The following MED12L variants were observed in gnomAD, a reference collection of about 807,000 sequenced individuals.
The protein encoded by MED12L is mediator of RNA polymerase II transcription subunit 12-like protein.
A neutral mutation model predicts 281.3 loss-of-function variants in MED12L; 60 were observed. The observed-to-expected ratio is 0.21, with a 90% CI of 0.17 to 0.26. MED12L has a LOEUF of 0.26. MED12L is among the 10% of genes least tolerant of loss of function. The pLI, the probability that MED12L is intolerant of heterozygous loss-of-function variation, is 1.00. For missense variants in MED12L, 2,146 were observed against 2,680.9 expected (o/e 0.80, Z 4.41); for synonymous variants, 974 against 987.2 (o/e 0.99, Z 0.25).
intron 16 of MED12L, among the ~76,000 whole-genome samples, chr3:151,287,791 C>T (rs545494993): frequency 6.6e-6 from 1 of 152,268 alleles, no homozygotes; most frequent in Admixed American, 6.5e-5. Context: ...TAACTTGCCT[C>T]TTTAGGGATT....
chr3:151,266,844 T>G (rs575781724), intron 16 of MED12L, among the ~76,000 whole-genome samples: 85 of 152,324 alleles, frequency 5.6e-4, no homozygotes, highest in South Asian at 3.5e-3. Flanking sequence ...TTCCTTCTCC[T>G]GGGAAGGAAT....
rs922327693 is a variant in MED12L at position 151,432,956 on chromosome 3, G to T, written c.*152G>T. 4 of 581,342 alleles carry T rather than the reference G, an allele frequency of 6.9e-6. No individual in the cohort carries two copies. In the African/African-American group the frequency reaches 7.7e-5, roughly 11 times the overall value. The allele number at this position is 581,342 out of a possible 1,614,324, so 36.0% of individuals were successfully genotyped here. A position where few individuals can be genotyped will look rare whatever the true frequency, so the allele number is the denominator to read the frequency against. The stretch of plus-strand genomic sequence containing the variant: ...CTACATCTCACAAAAAAAAAAAAAG[G>T]TGTTTAAACAAAAAGCCAAGGAGAA... On this transcript the variant is annotated 3_prime_UTR_variant, in exon 45 of 45. Coordinates refer to ENST00000687756, the MANE Select transcript of MED12L (RefSeq NM_001393769.1).
chr3:151,178,157 CAAAAAAAAAAAAAA>C lies in MED12L; in HGVS notation c.1495-7159_1495-7146del, dbSNP rs10572929. Among the ~76,000 whole-genome samples, 217 of 49,172 alleles carry C rather than the reference CAAAAAAAAAAAAAA, an allele frequency of 4.4e-3. 3 individuals carry two copies. In the Middle Eastern group the frequency reaches 0.12, roughly 28 times the overall value. 32.3% of individuals were successfully genotyped at this position (49,172 alleles called of 152,430 possible). On this transcript the variant is annotated intron_variant, in intron 11 of 44. Coordinates refer to ENST00000687756, the MANE Select transcript of MED12L (RefSeq NM_001393769.1). ...TGGGCAACAGAATGAGACTTGGTCT[CAAAAAAAAAAAAAA>C]AAAAAAAAAAAAAGAAAGTGCCAAT...
chr3:151,151,981 C>CTAG (rs1407946809), intron 5 of MED12L, among the ~76,000 whole-genome samples: 1 of 150,844 alleles, frequency 6.6e-6, no homozygotes, highest in East Asian at 2.0e-4. Context: ...GCAACTGGAG[C>CTAG]TAGCATGGTG....
chr3:151,290,147 A>C (rs1053280534), intron 16 of MED12L, among the ~76,000 whole-genome samples: 5 of 152,078 alleles, frequency 3.3e-5, no homozygotes, highest in Non-Finnish European at 7.4e-5. Flanking sequence ...TGGCCTCCCA[A>C]AGTGCTAGGA....
chr3:151,436,548 A>G lies in MED12L; in HGVS notation c.*3744A>G, dbSNP rs1448089442. 2 of 608,474 alleles carry G rather than the reference A, an allele frequency of 3.3e-6. No homozygotes were observed. Among genetic ancestry groups the G allele is most frequent in the Admixed American group, 6.7e-5 (2 of 29,860 alleles). The allele number at this position is 608,474 out of a possible 1,614,324, so 37.7% of individuals were successfully genotyped here. A position where few individuals can be genotyped will look rare whatever the true frequency, so the allele number is the denominator to read the frequency against. On this transcript the variant is annotated 3_prime_UTR_variant, in exon 45 of 45. Coordinates refer to ENST00000687756, the MANE Select transcript of MED12L (RefSeq NM_001393769.1). ...TCAGTTCATAATGCATTTATTTACA[A>G]GTCCTTTTATTTTGCATGTTCATTG...
chr3:151,304,496 C>A (rs1429621115), intron 16 of MED12L, among the ~76,000 whole-genome samples: 1 of 152,074 alleles, frequency 6.6e-6, no homozygotes, highest in Non-Finnish European at 1.5e-5. Flanking sequence ...ATCGCTTGAA[C>A]CCGGGAGACC....
intron 16 of MED12L, among the ~76,000 whole-genome samples, chr3:151,285,259 C>A (rs530648607): frequency 1.3e-5 from 2 of 151,878 alleles, no homozygotes; most frequent in East Asian, 2.0e-4. Flanking sequence ...CTGAGGTGGG[C>A]AGATCACAAG....
intron 2 of MED12L, among the ~76,000 whole-genome samples, chr3:151,111,137 A>C (rs1711815748): frequency 5.3e-5 from 8 of 152,262 alleles, no homozygotes; most frequent in Admixed American, 5.2e-4. Flanking sequence ...TTAGAGAGCC[A>C]CTGCTTTAAG....
chr3:151,098,320 G>C (rs1720982066), intron 2 of MED12L, among the ~76,000 whole-genome samples: 1 of 152,202 alleles, frequency 6.6e-6, no homozygotes, highest in South Asian at 2.1e-4. Context: ...CTGACATTCA[G>C]AACTGGAAGT....
At chr3:151,317,950 T>TATTA (rs1467903739) in intron 16 of MED12L, among the ~76,000 whole-genome samples, 1 of 152,164 alleles carries the variant, frequency 6.6e-6, no homozygotes, top group African/African-American at 2.4e-5. Flanking sequence ...CTATAATAGG[T>TATTA]ATTACTTAGT....
intron 12 of MED12L, among the ~76,000 whole-genome samples, chr3:151,185,961 TACATGTGC>T (rs532390601): frequency 9.6e-4 from 147 of 152,356 alleles, no homozygotes; most frequent in African/African-American, 3.5e-3. Context: ...ATGTGCAATA[TACATGTGC>T]ACATGTGTAT....
intron 16 of MED12L, among the ~76,000 whole-genome samples, chr3:151,226,314 G>A (rs1390606012): frequency 6.6e-6 from 1 of 152,246 alleles, no homozygotes; most frequent in East Asian, 1.9e-4. Flanking sequence ...TGACACGAGA[G>A]GCTGTCACAG....
At chr3:151,279,073 CT>C (rs1742382271) in intron 16 of MED12L, among the ~76,000 whole-genome samples, 1 of 152,212 alleles carries the variant, frequency 6.6e-6, no homozygotes, top group Admixed American at 6.5e-5. Flanking sequence ...GCTCCACTGT[CT>C]TTCCCATTGA....
At chr3:151,310,115 T>G (rs900588484) in intron 16 of MED12L, among the ~76,000 whole-genome samples, 3 of 152,082 alleles carry the variant, frequency 2.0e-5, no homozygotes, top group Non-Finnish European at 2.9e-5. Flanking sequence ...GGGCTGCAAA[T>G]TCAAATGCCA....
intron 16 of MED12L, among the ~76,000 whole-genome samples, chr3:151,235,508 A>G (rs1219328178): frequency 6.6e-6 from 1 of 152,154 alleles, no homozygotes; most frequent in African/African-American, 2.4e-5. Context: ...GATCGAGACC[A>G]TCATGGCTAA....
At position 151,280,023 on chromosome 3, in the gene MED12L, T is replaced by C. The variant is rs138735867; in HGVS notation, c.2251-70036T>C. ...TTCCCCGTGGGGTGTTTCACATAGA[T>C]GTTATTGAGTATGACTGGGGAGAAC... On this transcript the variant is annotated intron_variant, in intron 16 of 44. Coordinates refer to ENST00000687756, the MANE Select transcript of MED12L (RefSeq NM_001393769.1). Among the ~76,000 whole-genome samples, 33 of 152,222 alleles carry C rather than the reference T, an allele frequency of 2.2e-4. No individual in the cohort carries two copies. The East Asian group carries it at 5.6e-3, about 26-fold the overall frequency.
intron 5 of MED12L, among the ~76,000 whole-genome samples, chr3:151,154,485 T>G (rs911737119): frequency 5.9e-5 from 9 of 152,224 alleles, no homozygotes; most frequent in African/African-American, 2.2e-4. Context: ...TTTTCTATAA[T>G]GAACGCGTAT....
chr3:151,119,968 C>G (rs905716777), intron 3 of MED12L, among the ~76,000 whole-genome samples: 1 of 151,594 alleles, frequency 6.6e-6, no homozygotes, highest in Non-Finnish European at 1.5e-5. Context: ...CCTGTAATCC[C>G]AGCACTTTGG....
Sources: gnomAD v4.1 joint callset for allele counts (sites outside exome capture counted in the v4.1 genomes callset) on GRCh38, gnomAD v4.1.1 for gene constraint, MANE v1.5 for transcripts, NCBI Gene and HGNC (gene_info 2026-07-23, HGNC 2026-07-21) for gene names.